FSTL5: variants seen among roughly 807,000 people sequenced by gnomAD.
FSTL5 encodes follistatin like 5, also known as follistatin-related protein 5.
A neutral mutation model predicts 89.1 loss-of-function variants in FSTL5; 62 were observed. That is an observed-to-expected ratio of 0.70 (90% CI 0.57 to 0.86). The LOEUF (loss-of-function observed/expected upper bound fraction) is 0.86. Ranked by LOEUF, FSTL5 falls within the 40% of genes least tolerant of loss-of-function variation. The pLI is 0.00. For missense variants in FSTL5, 1,057 were observed against 1,001.6 expected (o/e 1.06, Z -0.75); for synonymous variants, 383 against 346.2 (o/e 1.11, Z -1.18).
At position 161,538,204 on chromosome 4, in the gene FSTL5, A is replaced by T; in HGVS notation, c.1274T>A (p.Ile425Asn). 6.2e-7 allele frequency: 1 copy of T among 1,614,014 alleles called. No individual in the cohort carries two copies. The highest frequency in any genetic ancestry group is 8.5e-7 in the Non-Finnish European group (1 of 1,179,942). The change falls in exon 10 of 16, where the codon ATC (isoleucine) becomes AAC (asparagine). Residue 425 changes from isoleucine to asparagine, a missense_variant. By Grantham distance (149) the Ile-to-Asn change is moderately radical (BLOSUM62 -3). Transcript: ENST00000306100. ...AGAGTCTTCCACAAAAAGAGAAGAG[A>T]TGTCTTCATCCACTCCTGCTTCATT... The part of the protein sequence containing the change: ...AKNEAGVDED[I>N]SSLFVEDSAR...
intron 6 of FSTL5, among the ~76,000 whole-genome samples, chr4:161,678,776 A>G (rs187730749): frequency 6.6e-6 from 1 of 151,944 alleles, no homozygotes. Context: ...TATTGTTAAG[A>G]GAACATCATT....
chr4:161,622,402 G>A (rs1331178458), intron 7 of FSTL5, among the ~76,000 whole-genome samples: 3 of 151,950 alleles, frequency 2.0e-5, no homozygotes, highest in East Asian at 1.9e-4. Context: ...AAAGCTTGAC[G>A]TAAAAACATA....
chr4:161,527,544 A>G (rs1208434759), intron 10 of FSTL5, among the ~76,000 whole-genome samples: 2 of 152,184 alleles, frequency 1.3e-5, no homozygotes, highest in South Asian at 2.1e-4. Context: ...ACATGAAAAA[A>G]TGCTCACCAT....
chr4:161,558,031 T>A (rs932592683), intron 8 of FSTL5, among the ~76,000 whole-genome samples: 4 of 151,826 alleles, frequency 2.6e-5, no homozygotes, highest in Non-Finnish European at 5.9e-5. Flanking sequence ...TTTACGTACA[T>A]ACCATAGAAC....
intron 4 of FSTL5, among the ~76,000 whole-genome samples, chr4:161,822,702 C>CGG (rs551754790): frequency 6.6e-6 from 1 of 152,042 alleles, no homozygotes; most frequent in African/African-American, 2.4e-5. Context: ...GTATGGTGAG[C>CGG]GGGGGGGCAT....
chr4:161,881,180 T>C (rs868641609), intron 4 of FSTL5, among the ~76,000 whole-genome samples: 57 of 148,838 alleles, frequency 3.8e-4, no homozygotes, highest in African/African-American at 1.4e-3. Context: ...ATATTAATAT[T>C]AATATATTTA....
rs530697276 is a variant in FSTL5, at chr4:161,683,122, ATATT to A, written c.728-26632_728-26629del. Among the ~76,000 whole-genome samples the A allele has an allele frequency of 5.9e-3, 904 of 152,280 alleles. 10 individuals carry two copies. The highest frequency in any genetic ancestry group is 0.046 in the South Asian group (224 of 4,824). ...AGTATAGTAAATACACAAATCAGTAATATTTATTATCTTTATCAAGTGTTATGTA... is the reference window on the plus strand; with the variant it reads ...AGTATAGTAAATACACAAATCAGTAATATTATCTTTATCAAGTGTTATGTA... On this transcript the variant is annotated intron_variant, in intron 6 of 15. Coordinates refer to ENST00000306100, the MANE Select transcript of FSTL5 (RefSeq NM_020116.5).
At chr4:161,792,128 A>G (rs1004664505) in intron 4 of FSTL5, among the ~76,000 whole-genome samples, 1 of 151,928 alleles carries the variant, frequency 6.6e-6, no homozygotes, top group Non-Finnish European at 1.5e-5. Flanking sequence ...GGCTCTCCCA[A>G]CTCCTGGTGT....
chr4:162,006,931 A>G (rs1736632302), intron 3 of FSTL5, among the ~76,000 whole-genome samples: 1 of 151,916 alleles, frequency 6.6e-6, no homozygotes, highest in Non-Finnish European at 1.5e-5. Flanking sequence ...TATTTTGTTA[A>G]GTTAAAAAAT....
chr4:161,864,396 A>T (rs1732012274), intron 4 of FSTL5, among the ~76,000 whole-genome samples: 1 of 152,228 alleles, frequency 6.6e-6, no homozygotes, highest in African/African-American at 2.4e-5. Flanking sequence ...TACAATAGGG[A>T]TATTATGACT....
At position 162,033,671 on chromosome 4, in the gene FSTL5, CA is replaced by C. The variant is rs772053389; in HGVS notation, c.127-14del. 1.2e-5 allele frequency: 18 copies of C among 1,452,368 alleles called. No individual in the cohort carries two copies. Among genetic ancestry groups the C allele is most frequent in the Non-Finnish European group, 1.5e-5 (16 of 1,053,622 alleles). The allele number at this position is 1,452,368 out of a possible 1,614,324, so 90.0% of individuals were successfully genotyped here. ...GATTTTTTTCCTGCTGGAAATAAAACAGAAAATAGGTCAAAATATGTAAGTA... is the reference window on the plus strand; with the variant it reads ...GATTTTTTTCCTGCTGGAAATAAAACGAAAATAGGTCAAAATATGTAAGTA... On this transcript the variant is annotated splice_polypyrimidine_tract_variant and intron_variant, in intron 2 of 15. Transcript: ENST00000306100.
chr4:161,820,041 C>T (rs1034574599), intron 4 of FSTL5, among the ~76,000 whole-genome samples: 7 of 151,868 alleles, frequency 4.6e-5, no homozygotes, highest in African/African-American at 7.3e-5. Flanking sequence ...AAAGTTTTTA[C>T]GTGGAAAACA....
intron 6 of FSTL5, among the ~76,000 whole-genome samples, chr4:161,755,347 GAATAACACTGC>G (rs1264227873): frequency 6.6e-6 from 1 of 151,848 alleles, no homozygotes; most frequent in Non-Finnish European, 1.5e-5. Flanking sequence ...ATGTCTACTG[GAATAACACTGC>G]AATAATATAA....
chr4:162,138,674 G>T (rs1034710503), intron 1 of FSTL5, among the ~76,000 whole-genome samples: 1 of 151,892 alleles, frequency 6.6e-6, no homozygotes, highest in Non-Finnish European at 1.5e-5. Flanking sequence ...GTAATAATTG[G>T]AAAGTTTAGA....
intron 1 of FSTL5, among the ~76,000 whole-genome samples, chr4:162,124,706 T>TG (rs1438570742): frequency 2.7e-5 from 4 of 149,888 alleles, no homozygotes; most frequent in South Asian, 4.2e-4. Context: ...TTTTTTTGTT[T>TG]GTTTTTTTTC....
intron 7 of FSTL5, among the ~76,000 whole-genome samples, chr4:161,627,554 T>C (rs1260248334): frequency 6.6e-6 from 1 of 152,190 alleles, no homozygotes; most frequent in African/African-American, 2.4e-5. Context: ...CTCCGAGGCA[T>C]GCCTGAAAGT....
intron 2 of FSTL5, among the ~76,000 whole-genome samples, chr4:162,055,455 A>G (rs1478235780): frequency 6.6e-6 from 1 of 151,718 alleles, no homozygotes; most frequent in Non-Finnish European, 1.5e-5. Context: ...TATAATAAAT[A>G]GTACTGAAAG....
At position 162,058,423 on chromosome 4, in the gene FSTL5, C is replaced by CTTT. The variant is rs764578152; in HGVS notation, c.127-24768_127-24766dup. 3.5e-3 allele frequency among the ~76,000 whole-genome samples: 397 copies of CTTT among 112,000 alleles called. 5 individuals carry two copies. The highest frequency in any genetic ancestry group is 5.7e-3 in the African/African-American group (164 of 28,650). 73.5% of individuals were successfully genotyped at this position (112,000 alleles called of 152,430 possible). A position where few individuals can be genotyped will look rare whatever the true frequency, so the allele number is the denominator to read the frequency against. On this transcript the variant is annotated intron_variant, in intron 2 of 15. Coordinates refer to ENST00000306100, the MANE Select transcript of FSTL5 (RefSeq NM_020116.5). ...TTACACTTTCAACTAATAAATTCCTCTTTTTTTTTTTTTTTTTTTTTGAGA... is the reference window on the plus strand; with the variant it reads ...TTACACTTTCAACTAATAAATTCCTCTTTTTTTTTTTTTTTTTTTTTTTTGAGA...
intron 3 of FSTL5, among the ~76,000 whole-genome samples, chr4:161,949,956 T>C (rs1271969540): frequency 6.6e-6 from 1 of 152,138 alleles, no homozygotes; most frequent in Non-Finnish European, 1.5e-5. Flanking sequence ...CTATTAATTG[T>C]TTTGTCTCTT....
Sources: allele counts gnomAD v4.1 joint callset (sites outside exome capture counted in the v4.1 genomes callset), GRCh38; gene constraint gnomAD v4.1.1; transcripts MANE v1.5; gene names NCBI Gene and HGNC (gene_info 2026-07-23, HGNC 2026-07-21).